Variants in MAPRE2 observed in about 807,000 individuals in gnomAD.
MAPRE2 encodes microtubule associated protein RP/EB family member 2.
Under a neutral mutation model 43.2 loss-of-function variants are expected in MAPRE2, and 13 were observed. That is an observed-to-expected ratio of 0.30 (90% CI 0.20 to 0.48). The LOEUF is 0.48. Among genes scored for constraint, MAPRE2 ranks in the 20% least tolerant of loss-of-function variants. MAPRE2 has a pLI of 0.99. For missense variants in MAPRE2, 161 were observed against 400.2 expected, an observed-to-expected ratio of 0.40 and a Z score of 5.10; for synonymous variants, 135 against 148.8, an observed-to-expected ratio of 0.91 and a Z score of 0.68.
intron 2 of MAPRE2, among the ~76,000 whole-genome samples, chr18:35,028,128 G>A (rs1255777086): frequency 1.3e-5 from 2 of 152,126 alleles, no homozygotes; most frequent in Non-Finnish European, 2.9e-5. Context: ...AGAACTGGTC[G>A]GCATCATTTC....
At chr18:35,129,757 G>A (rs1292311067) in intron 5 of MAPRE2, among the ~76,000 whole-genome samples, 2 of 152,196 alleles carry the variant, frequency 1.3e-5, no homozygotes, top group Non-Finnish European at 2.9e-5. Flanking sequence ...TGCAGTCTAT[G>A]GCCACACTGG....
chr18:34,993,723 A>G (rs979065492), intron 1 of MAPRE2, among the ~76,000 whole-genome samples: 7 of 152,154 alleles, frequency 4.6e-5, no homozygotes, highest in Non-Finnish European at 1.0e-4. Context: ...TGTACTCTGG[A>G]CCAGAGGTAC....
intron 6 of MAPRE2, among the ~76,000 whole-genome samples, chr18:35,133,186 T>G (rs915723226): frequency 6.6e-6 from 1 of 152,220 alleles, no homozygotes; most frequent in Non-Finnish European, 1.5e-5. Flanking sequence ...CATTTATGCC[T>G]CAAAATACTA....
At chr18:35,113,988 A>G (rs140732849) in intron 4 of MAPRE2, among the ~76,000 whole-genome samples, 2,681 of 152,368 alleles carry the variant, frequency 0.018, 40 homozygotes, top group South Asian at 0.05. Flanking sequence ...CTTAATATGT[A>G]TTCAGCAATT....
chr18:35,084,698 G>A (rs1907789963), intron 2 of MAPRE2, among the ~76,000 whole-genome samples: 1 of 152,202 alleles, frequency 6.6e-6, no homozygotes, highest in South Asian at 2.1e-4. Flanking sequence ...CTTCCTGCTG[G>A]CTATTACTCC....
intron 1 of MAPRE2, among the ~76,000 whole-genome samples, chr18:35,065,938 T>C (rs1906819700): frequency 6.6e-6 from 1 of 152,210 alleles, no homozygotes; most frequent in African/African-American, 2.4e-5. Flanking sequence ...GCTTTGACTT[T>C]CTCCTTTGCA....
chr18:35,082,840 G>A (rs1191604856), intron 2 of MAPRE2, among the ~76,000 whole-genome samples: 2 of 151,924 alleles, frequency 1.3e-5, no homozygotes, highest in East Asian at 1.9e-4. Context: ...TAATATTTAT[G>A]TATCTATATT....
chr18:35,140,284 C>T lies in MAPRE2; in HGVS notation c.910-11C>T. The T allele has an allele frequency of 2.5e-6, 4 of 1,612,240 alleles. No individual in the cohort carries two copies. Among genetic ancestry groups the T allele is most frequent in the South Asian group, 1.1e-5 (1 of 90,636 alleles). On this transcript the variant is annotated splice_polypyrimidine_tract_variant and intron_variant, in intron 6 of 6. Transcript: ENST00000300249. ...CAATTATCTCAGCTGAAACTTCTCC[C>T]CTGCCCACAGGAGGGCCACACAGAA...
intron 3 of MAPRE2, among the ~76,000 whole-genome samples, chr18:35,097,929 T>A (rs896572259): frequency 6.6e-6 from 1 of 152,230 alleles, no homozygotes; most frequent in African/African-American, 2.4e-5. Context: ...AGAAACATCA[T>A]GTCATGGCAG....
chr18:35,041,766 G>C, intron 1 of MAPRE2, 105 bp downstream of exon 1: 1 of 1,575,110 alleles, frequency 6.3e-7, no homozygotes. Flanking sequence ...CCCTGCTGCA[G>C]GCATGCATTT....
intron 4 of MAPRE2, among the ~76,000 whole-genome samples, chr18:35,106,682 G>A (rs1908923283): frequency 6.6e-6 from 1 of 152,090 alleles, no homozygotes; most frequent in African/African-American, 2.4e-5. Flanking sequence ...CCTTAGAATA[G>A]TTTGGCTGTG....
intron 4 of MAPRE2, among the ~76,000 whole-genome samples, chr18:35,115,766 ATTGG>A (rs2144212431): frequency 6.6e-6 from 1 of 152,256 alleles, no homozygotes; most frequent in African/African-American, 2.4e-5. Flanking sequence ...TTATCCACTC[ATTGG>A]TTGATGGGCA....
intron 3 of MAPRE2, among the ~76,000 whole-genome samples, chr18:35,098,461 A>G (rs1019975491): frequency 1.3e-4 from 20 of 152,222 alleles, no homozygotes; most frequent in Non-Finnish European, 1.6e-4. Context: ...TAAACTATGT[A>G]TTTTGTAAGC....
intron 2 of MAPRE2, among the ~76,000 whole-genome samples, chr18:35,007,943 A>G (rs956987140): frequency 6.6e-6 from 1 of 152,174 alleles, no homozygotes; most frequent in Non-Finnish European, 1.5e-5. Flanking sequence ...CCAGCTTTTC[A>G]TATTGCTGGA....
At chr18:35,035,110 C>T (rs1300170764) in intron 2 of MAPRE2, among the ~76,000 whole-genome samples, 1 of 151,946 alleles carries the variant, frequency 6.6e-6, no homozygotes, top group East Asian at 1.9e-4. Context: ...TTGGAACCAA[C>T]CCAAATGTCC....
At chr18:35,045,979 G>A (rs1302358272) in intron 1 of MAPRE2, among the ~76,000 whole-genome samples, 1 of 152,140 alleles carries the variant, frequency 6.6e-6, no homozygotes, top group Non-Finnish European at 1.5e-5. Context: ...TTGGGGAGAG[G>A]CTCACTCCTG....
chr18:35,126,668 C>G (rs1420626256), intron 4 of MAPRE2, among the ~76,000 whole-genome samples: 1 of 151,996 alleles, frequency 6.6e-6, no homozygotes, highest in African/African-American at 2.4e-5. Context: ...TTCTCTTACT[C>G]TTATATCTCC....
chr18:35,024,079 T>C (rs1016743726), intron 2 of MAPRE2, among the ~76,000 whole-genome samples: 1 of 152,228 alleles, frequency 6.6e-6, no homozygotes, highest in African/African-American at 2.4e-5. Flanking sequence ...ATAATGTTCA[T>C]ATAAACAAAG....
intron 2 of MAPRE2, among the ~76,000 whole-genome samples, chr18:35,024,304 G>A (rs552692346): frequency 6.6e-6 from 1 of 152,294 alleles, no homozygotes; most frequent in South Asian, 2.1e-4. Context: ...CTTGAAACTA[G>A]GAGGAATAGA....
Sources: gnomAD v4.1 joint callset for allele counts (sites outside exome capture counted in the v4.1 genomes callset) on GRCh38, gnomAD v4.1.1 for gene constraint, MANE v1.5 for transcripts, NCBI Gene and HGNC (gene_info 2026-07-23, HGNC 2026-07-21) for gene names.